The following PPP1R37 variants were observed in gnomAD, a reference collection of about 807,000 sequenced individuals.
PPP1R37 encodes protein phosphatase 1 regulatory subunit 37, also known as leucine rich repeat containing 68.
In PPP1R37, 21 loss-of-function variants were observed where a neutral mutation model predicts 61.0. That is an observed-to-expected ratio of 0.34 (90% confidence interval 0.24 to 0.50). The LOEUF (loss-of-function observed/expected upper bound fraction) is 0.50, where lower values mean the gene tolerates loss of function less well. Among genes scored for constraint, PPP1R37 ranks in the 20% least tolerant of loss-of-function variants. PPP1R37 has a pLI of 0.98. For synonymous variants in PPP1R37, 443 were observed against 433.5 expected (o/e 1.02, Z -0.27); for missense variants, 910 against 952.7 (o/e 0.96, Z 0.59).
intron 1 of PPP1R37, among the ~76,000 whole-genome samples, chr19:45,094,478 G>C (rs1967966542): frequency 6.6e-6 from 1 of 152,094 alleles, no homozygotes; most frequent in Admixed American, 6.6e-5. Flanking sequence ...TGTAATCCCA[G>C]CACTTTGGGA....
intron 1 of PPP1R37, among the ~76,000 whole-genome samples, chr19:45,098,881 C>T (rs1161894018): frequency 6.6e-6 from 1 of 152,052 alleles, no homozygotes; most frequent in African/African-American, 2.4e-5. Flanking sequence ...CTCAGATTTC[C>T]GTCTGGGCCC....
rs114206393 is a variant in PPP1R37, at chr19:45,142,364, C to T, written c.780C>T (p.Asn260=). 3,049 of 1,536,110 alleles carry T rather than the reference C, an allele frequency of 2.0e-3. 51 individuals carry two copies. In the African/African-American group the frequency reaches 0.035, roughly 18 times the overall value. ...RELYLADNKL[N]GLQDSAQLGN... The stretch of plus-strand genomic sequence containing the variant: ...TGTACCTGGCGGACAACAAGCTCAA[C>T]GGCCTGCAGGACTCGGCCCAGCTGG... Residue 260 remains asparagine, a synonymous_variant, in exon 7 of 13, where the codon AAC becomes AAT. Coordinates refer to ENST00000221462, the MANE Select transcript of PPP1R37 (RefSeq NM_019121.2).
intron 1 of PPP1R37, among the ~76,000 whole-genome samples, 186 bp downstream of exon 1, chr19:45,093,713 G>A (rs556538059): frequency 1.3e-5 from 2 of 152,332 alleles, no homozygotes; most frequent in South Asian, 2.1e-4. Flanking sequence ...AAGGTGAAAA[G>A]TATCTGGTTT....
intron 1 of PPP1R37, among the ~76,000 whole-genome samples, chr19:45,120,309 A>G (rs192620546): frequency 9.0e-4 from 137 of 151,946 alleles, no homozygotes; most frequent in African/African-American, 2.9e-3. Context: ...GAGCCACCGC[A>G]CCCGGCTTTC....
chr19:45,107,674 C>T (rs1324989860), intron 1 of PPP1R37, among the ~76,000 whole-genome samples: 3 of 152,160 alleles, frequency 2.0e-5, no homozygotes, highest in East Asian at 1.9e-4. Flanking sequence ...ACGTGTATCC[C>T]GGATGCAGGA....
intron 1 of PPP1R37, among the ~76,000 whole-genome samples, chr19:45,100,616 C>T (rs577097244): frequency 2.1e-4 from 32 of 152,336 alleles, no homozygotes; most frequent in Non-Finnish European, 4.0e-4. Flanking sequence ...CCGAAGCCTG[C>T]GCAGTAATAA....
At chr19:45,138,297 G>T (rs1407554197) in intron 1 of PPP1R37, among the ~76,000 whole-genome samples, 1 of 152,232 alleles carries the variant, frequency 6.6e-6, no homozygotes, top group South Asian at 2.1e-4. Context: ...GAGGCGTGGA[G>T]GGCAGTGGTG....
Position 45,146,172 on chromosome 19 carries a change from A to C in PPP1R37, c.1993+123A>C, listed in dbSNP as rs975934234. ...TAAAATGGTTCTCGCAGGGGCCAGCAAAGTGGGGCTTAGTTCTCATCTCCA... is the reference window on the plus strand; with the variant it reads ...TAAAATGGTTCTCGCAGGGGCCAGCCAAGTGGGGCTTAGTTCTCATCTCCA... On this transcript the variant is annotated intron_variant, in intron 11 of 12. Transcript: ENST00000221462. The C allele has an allele frequency of 1.4e-5, 16 of 1,148,400 alleles. No homozygotes were observed. In the East Asian group the frequency reaches 4.2e-4, roughly 30 times the overall value. The allele number at this position is 1,148,400 out of a possible 1,614,324, so 71.1% of individuals were successfully genotyped here. A position where few individuals can be genotyped will look rare whatever the true frequency, so the allele number is the denominator to read the frequency against.
chr19:45,102,663 G>A (rs533709185), intron 1 of PPP1R37, among the ~76,000 whole-genome samples: 3 of 152,356 alleles, frequency 2.0e-5, no homozygotes, highest in African/African-American at 4.8e-5. Context: ...CACTTGGGCT[G>A]TGTGGCCTTG....
rs35904300 is a variant in PPP1R37, at chr19:45,142,177, C to T, written c.684C>T (p.Asn228=). 7,107 of 1,535,196 alleles carry T rather than the reference C, an allele frequency of 4.6e-3. 203 individuals are homozygous for T. In the African/African-American group the frequency reaches 0.073, roughly 16 times the overall value. The change falls in exon 6 of 13, where the codon AAC becomes AAT. Residue 228 remains asparagine, a synonymous_variant. Transcript: ENST00000221462. ...GCCTGGCAGTGCTGCACTTGGAGAACGCCAGCCTGTCGGGGCGGCCCCTCA... is the reference window on the plus strand; with the variant it reads ...GCCTGGCAGTGCTGCACTTGGAGAATGCCAGCCTGTCGGGGCGGCCCCTCA... The part of the protein sequence containing the change: ...RSSLAVLHLE[N]ASLSGRPLML...
At position 45,145,354 on chromosome 19, in the gene PPP1R37, T is replaced by A; in HGVS notation, c.1298T>A (p.Val433Glu). ...DLDREPKKEA[V>E]KSFIETQKAL... Reference sequence around the variant, plus strand: ...CCTAGCCAGGCGCTCCCGCCACAGGTGAAGAGCTTCATCGAGACGCAGAAG... The same window carrying A: ...CCTAGCCAGGCGCTCCCGCCACAGGAGAAGAGCTTCATCGAGACGCAGAAG... Residue 433 changes from valine (V) to glutamate (E), a missense_variant and splice_region_variant, in exon 11 of 13, where the codon GTG becomes GAG. Val to Glu is a moderately radical substitution (Grantham distance 121). Coordinates refer to ENST00000221462, the MANE Select transcript of PPP1R37 (RefSeq NM_019121.2). The A allele has an allele frequency of 6.5e-7, 1 of 1,533,876 alleles. No individual in the cohort carries two copies.
chr19:45,095,818 A>G (rs1376825284), intron 1 of PPP1R37, among the ~76,000 whole-genome samples: 1 of 151,100 alleles, frequency 6.6e-6, no homozygotes, highest in Non-Finnish European at 1.5e-5. Flanking sequence ...CTTGGGCTCT[A>G]GGCCCCAGGG....
At chr19:45,136,220 CAGTCTCAG>C (rs1968537453) in intron 1 of PPP1R37, 1 of 152,336 alleles carries the variant, frequency 6.6e-6, no homozygotes, top group South Asian at 2.1e-4. Context: ...ATAAGGCCTT[CAGTCTCAG>C]AGTAGTGATG....
intron 1 of PPP1R37, among the ~76,000 whole-genome samples, chr19:45,126,283 C>G (rs200138961): frequency 6.6e-6 from 1 of 152,198 alleles, no homozygotes; most frequent in Non-Finnish European, 1.5e-5. Flanking sequence ...CTGTAACATA[C>G]GGTTCTGGAG....
At chr19:45,137,716 A>G (rs1453057581) in intron 1 of PPP1R37, among the ~76,000 whole-genome samples, 1 of 152,178 alleles carries the variant, frequency 6.6e-6, no homozygotes, top group Non-Finnish European at 1.5e-5. Flanking sequence ...GCTGAGTTCA[A>G]AGCCCGGCTC....
At chr19:45,102,231 G>A (rs1968073458) in intron 1 of PPP1R37, among the ~76,000 whole-genome samples, 1 of 152,362 alleles carries the variant, frequency 6.6e-6, no homozygotes, top group South Asian at 2.1e-4. Context: ...TGTCTGATCA[G>A]TCTTATAAAA....
intron 1 of PPP1R37, among the ~76,000 whole-genome samples, chr19:45,119,313 C>G (rs1475627620): frequency 6.6e-6 from 1 of 152,166 alleles, no homozygotes; most frequent in African/African-American, 2.4e-5. Context: ...TGTCACCATA[C>G]CTGGCTAATT....
intron 1 of PPP1R37, among the ~76,000 whole-genome samples, chr19:45,106,848 G>A (rs1459467022): frequency 3.9e-5 from 4 of 103,722 alleles, no homozygotes; most frequent in African/African-American, 1.2e-4. Context: ...ATGGAGTCTC[G>A]CTCTGTCACC....
intron 1 of PPP1R37, among the ~76,000 whole-genome samples, chr19:45,095,302 ATGTT>A (rs920520029): frequency 6.9e-4 from 105 of 152,132 alleles, no homozygotes; most frequent in African/African-American, 2.4e-3. Context: ...CTGGCTAAAA[ATGTT>A]TGTATTTTTA....
Sources: gnomAD v4.1 joint callset for allele counts (sites outside exome capture counted in the v4.1 genomes callset) on GRCh38, gnomAD v4.1.1 for gene constraint, MANE v1.5 for transcripts, NCBI Gene and HGNC (gene_info 2026-07-23, HGNC 2026-07-21) for gene names.